CCL26: variants seen among roughly 807,000 people sequenced by gnomAD.
CCL26 encodes C-C motif chemokine ligand 26.
CCL26 carries 10 observed loss-of-function variants against 10.7 expected under a neutral mutation model. The observed-to-expected ratio is 0.93, with a 90% confidence interval of 0.57 to 1.58. CCL26 has a LOEUF of 1.58. CCL26 is among the 40% of genes most tolerant of loss of function. The pLI is 0.00. For synonymous variants in CCL26, 43 were observed against 41.4 expected, an observed-to-expected ratio of 1.04 and a Z score of -0.15; for missense variants, 116 against 111.0, an observed-to-expected ratio of 1.05 and a Z score of -0.20.
At chr7:75,776,560 GGA>G (rs1802945986), upstream of CCL26, among the ~76,000 whole-genome samples, 1 of 147,178 alleles carries the variant, frequency 6.8e-6, no homozygotes, top group Non-Finnish European at 1.5e-5. Context: ...AAGGAAGGAA[GGA>G]AGGAAGGAAG....
intron 1 of CCL26, among the ~76,000 whole-genome samples, chr7:75,781,452 A>C (rs1480929983): frequency 1.3e-5 from 2 of 152,186 alleles, no homozygotes; most frequent in Non-Finnish European, 2.9e-5. Context: ...CCACTGGGCC[A>C]AGGAATGCCC....
upstream of CCL26, among the ~76,000 whole-genome samples, chr7:75,774,374 C>G (rs944009918): frequency 6.6e-6 from 1 of 152,234 alleles, no homozygotes; most frequent in Non-Finnish European, 1.5e-5. Flanking sequence ...GTCTCGAACT[C>G]CTGACCTCAA....
chr7:75,781,597 A>C (rs2115677321), intron 1 of CCL26, among the ~76,000 whole-genome samples: 1 of 152,342 alleles, frequency 6.6e-6, no homozygotes, highest in East Asian at 1.9e-4. Flanking sequence ...GTATGCATCC[A>C]GATGGCCTGA....
chr7:75,790,183 C>CCTTTCTT (rs1563342383), upstream of CCL26, among the ~76,000 whole-genome samples: 2 of 72,938 alleles, frequency 2.7e-5, no homozygotes, highest in Non-Finnish European at 5.9e-5. Flanking sequence ...TCCTTCCTTT[C>CCTTTCTT]TTTCTTTCTT....
At position 75,780,035 on chromosome 7, in the gene CCL26, C is replaced by T. The variant is rs191589838; in HGVS notation, c.-78-7781G>A. On this transcript the variant is annotated intron_variant, in intron 1 of 3. Coordinates refer to the CCL26 transcript ENST00000394905. ...TTCCTGGGGGGCAAGCACCCCCCACCCCTTCTGTCCATGTCTCTACCCTCT... is the reference window on the plus strand; with the variant it reads ...TTCCTGGGGGGCAAGCACCCCCCACTCCTTCTGTCCATGTCTCTACCCTCT... Among the ~76,000 whole-genome samples the T allele has an allele frequency of 2.3e-3, 350 of 151,518 alleles. 4 individuals carry two copies. Among genetic ancestry groups the T allele is most frequent in the African/African-American group, 8.3e-3 (344 of 41,264 alleles).
At chr7:75,770,313 G>C (rs180968733) in intron 2 of CCL26, among the ~76,000 whole-genome samples, 2 of 152,092 alleles carry the variant, frequency 1.3e-5, no homozygotes, top group African/African-American at 4.8e-5. Flanking sequence ...CAGGTGATCC[G>C]CCTGTGTTGG....
At chr7:75,789,428 C>T (rs1803273784) in intron 1 of CCL26, among the ~76,000 whole-genome samples, 1 of 150,924 alleles carries the variant, frequency 6.6e-6, no homozygotes, top group Admixed American at 6.6e-5. Flanking sequence ...CTCTCTTTGC[C>T]ACTCTTCTGG....
intron 1 of CCL26, among the ~76,000 whole-genome samples, chr7:75,782,854 T>C (rs540187882): frequency 2.4e-4 from 36 of 152,250 alleles, no homozygotes; most frequent in Non-Finnish European, 4.0e-4. Flanking sequence ...GTCTGTTCCT[T>C]CAGTCTCCAC....
At chr7:75,775,831 T>C (rs1248262975), upstream of CCL26, among the ~76,000 whole-genome samples, 1 of 142,608 alleles carries the variant, frequency 7.0e-6, no homozygotes, top group African/African-American at 2.7e-5. Flanking sequence ...GACTGAACTT[T>C]CCTTTTTTTA....
upstream of CCL26, among the ~76,000 whole-genome samples, chr7:75,775,775 A>G (rs1554528634): frequency 1.3e-5 from 2 of 152,148 alleles, no homozygotes; most frequent in African/African-American, 4.8e-5. Flanking sequence ...ACCTGACAGT[A>G]TCCGCTGAAG....
At chr7:75,782,684 C>T (rs1803090291) in intron 1 of CCL26, among the ~76,000 whole-genome samples, 1 of 152,174 alleles carries the variant, frequency 6.6e-6, no homozygotes, top group South Asian at 2.1e-4. Context: ...CAGAGAATGG[C>T]ACCTTCCATT....
At chr7:75,774,648 G>A (rs1802895802), upstream of CCL26, among the ~76,000 whole-genome samples, 1 of 152,012 alleles carries the variant, frequency 6.6e-6, no homozygotes, top group African/African-American at 2.4e-5. Context: ...GTTTCACTAT[G>A]TTGCCCAGGC....
chr7:75,778,680 G>A (rs1802994920), intron 1 of CCL26, among the ~76,000 whole-genome samples: 1 of 146,148 alleles, frequency 6.8e-6, no homozygotes, highest in South Asian at 2.2e-4. Context: ...AGGCTGGAAT[G>A]CAGTGGCTCA....
chr7:75,773,687 C>G (rs782770537), upstream of CCL26, among the ~76,000 whole-genome samples: 5 of 151,246 alleles, frequency 3.3e-5, no homozygotes, highest in Non-Finnish European at 7.4e-5. Flanking sequence ...ATCAGCCTGG[C>G]GAACATGGTG....
At chr7:75,772,281 G>T (rs1802841632), upstream of CCL26, 2 of 790,684 alleles carry the variant, frequency 2.5e-6, no homozygotes, top group African/African-American at 3.5e-5. Flanking sequence ...AGAATTCTGT[G>T]GTTGGGAACA....
chr7:75,772,654 CAAAAAAA>C (rs5884975), upstream of CCL26, among the ~76,000 whole-genome samples: 1 of 121,018 alleles, frequency 8.3e-6, no homozygotes, highest in Admixed American at 8.3e-5. Flanking sequence ...GAGACTCTGC[CAAAAAAA>C]AAAAAAACAA....
At chr7:75,785,512 C>T (rs547968961) in intron 1 of CCL26, among the ~76,000 whole-genome samples, 3 of 152,284 alleles carry the variant, frequency 2.0e-5, no homozygotes, top group African/African-American at 7.2e-5. Flanking sequence ...CCATCCATTA[C>T]CTACCTCGGC....
In CCL26 at chr7:75,781,095, C is replaced by T. The variant is rs183867989; in HGVS notation, c.-79+8622G>A. 3.9e-5 allele frequency among the ~76,000 whole-genome samples: 6 copies of T among 152,332 alleles called. No homozygotes were observed. In the East Asian group the frequency reaches 5.8e-4, roughly 15 times the overall value. ...TGGCCCATTTCACAACAACCCTTAG[C>T]GGCTTTACAGCCCTAGGCCCTGAAA... On this transcript the variant is annotated intron_variant, in intron 1 of 3. Coordinates refer to the CCL26 transcript ENST00000394905.
intron 1 of CCL26, among the ~76,000 whole-genome samples, chr7:75,787,266 G>C (rs1379935590): frequency 6.6e-6 from 1 of 152,058 alleles, no homozygotes; most frequent in African/African-American, 2.4e-5. Flanking sequence ...CAGTTTCTCA[G>C]GCTCTTGGTA....
Sources: gnomAD v4.1 joint callset for allele counts (sites outside exome capture counted in the v4.1 genomes callset) on GRCh38, gnomAD v4.1.1 for gene constraint, MANE v1.5 for transcripts, NCBI Gene and HGNC (gene_info 2026-07-23, HGNC 2026-07-21) for gene names.